Variants in SORCS3 observed in about 807,000 individuals in gnomAD.
The protein encoded by SORCS3 is VPS10 domain-containing receptor SorCS3.
Under a neutral mutation model 146.3 loss-of-function variants are expected in SORCS3, and 57 were observed. That is an observed-to-expected ratio of 0.39 (90% confidence interval 0.31 to 0.49). The LOEUF (loss-of-function observed/expected upper bound fraction) is 0.49, where lower values mean the gene tolerates loss of function less well. Ranked by LOEUF, SORCS3 falls within the 20% of genes least tolerant of loss-of-function variation. The pLI is 0.92. For missense variants in SORCS3, 1,341 were observed against 1,575.5 expected (o/e 0.85, Z 2.52); for synonymous variants, 653 against 618.5 (o/e 1.06, Z -0.83).
intron 4 of SORCS3, among the ~76,000 whole-genome samples, chr10:105,038,007 C>T (rs1188283880): frequency 6.6e-6 from 1 of 152,180 alleles, no homozygotes; most frequent in African/African-American, 2.4e-5. Context: ...TATGTTCTTT[C>T]ATATTTTCCA....
chr10:104,675,593 T>C (rs78149496), intron 1 of SORCS3, among the ~76,000 whole-genome samples: 1 of 152,196 alleles, frequency 6.6e-6, no homozygotes, highest in Non-Finnish European at 1.5e-5. Flanking sequence ...GCCAATTTCA[T>C]TTTCTTTTCT....
At chr10:104,810,283 C>T (rs2017726175) in intron 1 of SORCS3, among the ~76,000 whole-genome samples, 1 of 152,102 alleles carries the variant, frequency 6.6e-6, no homozygotes, top group African/African-American at 2.4e-5. Context: ...AATGGCCTGT[C>T]ACGCACTGGA....
chr10:105,060,398 T>C (rs569643709), intron 5 of SORCS3, among the ~76,000 whole-genome samples: 1 of 152,308 alleles, frequency 6.6e-6, no homozygotes, highest in Admixed American at 6.5e-5. Context: ...TTAGAGGCTT[T>C]AAATGCCAGG....
At chr10:105,095,472 G>A (rs919522490) in intron 6 of SORCS3, among the ~76,000 whole-genome samples, 15 of 152,072 alleles carry the variant, frequency 9.9e-5, no homozygotes, top group African/African-American at 3.4e-4. Flanking sequence ...ACTGCGTCCA[G>A]GTCTTTTCTT....
intron 1 of SORCS3, among the ~76,000 whole-genome samples, chr10:104,837,846 T>C (rs889372418): frequency 2.6e-5 from 4 of 152,178 alleles, no homozygotes; most frequent in Non-Finnish European, 5.9e-5. Flanking sequence ...TTCATTGCCT[T>C]GCACGGAAGC....
At chr10:104,668,095 C>A (rs2133254813) in intron 1 of SORCS3, among the ~76,000 whole-genome samples, 1 of 152,334 alleles carries the variant, frequency 6.6e-6, no homozygotes, top group South Asian at 2.1e-4. Context: ...GGCTGCCCAA[C>A]TCAGATGAGC....
At chr10:104,717,961 T>C (rs1304350719) in intron 1 of SORCS3, among the ~76,000 whole-genome samples, 5 of 151,664 alleles carry the variant, frequency 3.3e-5, no homozygotes, top group East Asian at 1.9e-4. Context: ...TCCAACATGG[T>C]GAAACCCCAT....
chr10:104,683,676 A>ATGGGAGGGATTGGCCTTAGGACT (rs1394903229), intron 1 of SORCS3, among the ~76,000 whole-genome samples: 1 of 152,140 alleles, frequency 6.6e-6, no homozygotes, highest in Non-Finnish European at 1.5e-5. Flanking sequence ...GAAGCTAGGT[A>ATGGGAGGGATTGGCCTTAGGACT]TGGGAGGGAT....
At chr10:104,688,269 C>T (rs947723267) in intron 1 of SORCS3, among the ~76,000 whole-genome samples, 3 of 152,208 alleles carry the variant, frequency 2.0e-5, no homozygotes, top group African/African-American at 7.2e-5. Flanking sequence ...CCCTGACTGG[C>T]CACTCATCCA....
At chr10:104,933,513 C>T (rs144019155) in intron 3 of SORCS3, among the ~76,000 whole-genome samples, 71 of 152,152 alleles carry the variant, frequency 4.7e-4, no homozygotes, top group Middle Eastern at 6.8e-3. Flanking sequence ...GAGTGGGGCC[C>T]AGCCTCCTCT....
intron 1 of SORCS3, among the ~76,000 whole-genome samples, chr10:104,730,581 G>A (rs1002387677): frequency 6.6e-6 from 1 of 152,094 alleles, no homozygotes; most frequent in East Asian, 1.9e-4. Context: ...GGGCCCTTAG[G>A]GCATTTTTGT....
At chr10:105,127,982 C>T (rs1009067648) in intron 7 of SORCS3, among the ~76,000 whole-genome samples, 1 of 152,152 alleles carries the variant, frequency 6.6e-6, no homozygotes, top group African/African-American at 2.4e-5. Flanking sequence ...TTCAGGGCTG[C>T]ACCATGTAGT....
At chr10:104,688,475 A>G (rs907368308) in intron 1 of SORCS3, among the ~76,000 whole-genome samples, 1 of 152,086 alleles carries the variant, frequency 6.6e-6, no homozygotes, top group Admixed American at 6.5e-5. Flanking sequence ...GCGTGGGCAG[A>G]GAGTAGCAGC....
At chr10:104,971,672 CA>C (rs1343948501) in intron 3 of SORCS3, among the ~76,000 whole-genome samples, 2 of 151,776 alleles carry the variant, frequency 1.3e-5, no homozygotes, top group East Asian at 1.9e-4. Context: ...TGATGATTTT[CA>C]AAAGGAAAAG....
chr10:104,686,947 A>G lies in SORCS3; in HGVS notation c.627+44993A>G, dbSNP rs1001385969. Among the ~76,000 whole-genome samples, 3 of 56,072 alleles carry G rather than the reference A, an allele frequency of 5.4e-5. No homozygotes were observed. In the South Asian group the frequency reaches 2.3e-3, roughly 43 times the overall value. 36.8% of individuals were successfully genotyped at this position (56,072 alleles called of 152,430 possible). A position where few individuals can be genotyped will look rare whatever the true frequency, so the allele number is the denominator to read the frequency against. ...CATCTATCCATCCATCCATCCATCTATGTATCCATGCATTCATCTTTCCAT... is the reference window on the plus strand; with the variant it reads ...CATCTATCCATCCATCCATCCATCTGTGTATCCATGCATTCATCTTTCCAT... On this transcript the variant is annotated intron_variant, in intron 1 of 26. Transcript: ENST00000369701.
chr10:104,995,158 C>CTTTTTTTT (rs777456023), intron 4 of SORCS3, among the ~76,000 whole-genome samples: 2 of 140,968 alleles, frequency 1.4e-5, no homozygotes, highest in African/African-American at 2.7e-5. Context: ...TTCTTTCTTT[C>CTTTTTTTT]TTTCTCTTTT....
chr10:105,024,844 A>G (rs1363114485), intron 4 of SORCS3, among the ~76,000 whole-genome samples: 1 of 152,226 alleles, frequency 6.6e-6, no homozygotes, highest in Non-Finnish European at 1.5e-5. Flanking sequence ...AACGTGTAAC[A>G]AAACAGGCCT....
chr10:104,929,839 C>A lies in SORCS3; in HGVS notation c.795+13907C>A, dbSNP rs1525398. 2.0e-5 allele frequency among the ~76,000 whole-genome samples: 3 copies of A among 152,222 alleles called. No individual in the cohort carries two copies. In the South Asian group the frequency reaches 6.2e-4, roughly 32 times the overall value. ...AAGGGAATTTCCCAGACAAAGCCAG[C>A]GTGCAAAAACTGGAATAAGTACCTA... On this transcript the variant is annotated intron_variant, in intron 3 of 26. Transcript: ENST00000369701.
At chr10:104,898,244 C>G (rs916321156) in intron 2 of SORCS3, among the ~76,000 whole-genome samples, 4 of 152,168 alleles carry the variant, frequency 2.6e-5, no homozygotes, top group Admixed American at 6.5e-5. Flanking sequence ...AAATATCTAT[C>G]TTATTATACA....
Sources: allele counts gnomAD v4.1 joint callset (sites outside exome capture counted in the v4.1 genomes callset), GRCh38; gene constraint gnomAD v4.1.1; transcripts MANE v1.5; gene names NCBI Gene and HGNC (gene_info 2026-07-23, HGNC 2026-07-21).